CDH8: variants seen among roughly 807,000 people sequenced by gnomAD.
The protein encoded by CDH8 is cadherin-8.
A neutral mutation model predicts 68.1 loss-of-function variants in CDH8; 17 were observed. That is an observed-to-expected ratio of 0.25 (90% CI 0.17 to 0.37). CDH8 has a LOEUF of 0.37. Among genes scored for constraint, CDH8 ranks in the 10% least tolerant of loss-of-function variants. The pLI is 1.00. For synonymous variants in CDH8, 372 were observed against 365.1 expected, an observed-to-expected ratio of 1.02 and a Z score of -0.21; for missense variants, 763 against 999.3, an observed-to-expected ratio of 0.76 and a Z score of 3.19.
At chr16:61,958,000 G>A (rs904157591) in intron 2 of CDH8, among the ~76,000 whole-genome samples, 2 of 152,116 alleles carry the variant, frequency 1.3e-5, no homozygotes, top group Non-Finnish European at 2.9e-5. Flanking sequence ...GTTAACATAC[G>A]CTGCAATATA....
chr16:62,027,479 T>A (rs1902222086), intron 1 of CDH8, among the ~76,000 whole-genome samples: 1 of 152,234 alleles, frequency 6.6e-6, no homozygotes, highest in South Asian at 2.1e-4. Context: ...AGCAGATTAT[T>A]GTGGTTGACA....
chr16:61,755,285 A>T (rs1960282192), intron 8 of CDH8, among the ~76,000 whole-genome samples: 1 of 152,180 alleles, frequency 6.6e-6, no homozygotes, highest in African/African-American at 2.4e-5. Flanking sequence ...TATAATTAAC[A>T]TACGGAATAA....
intron 3 of CDH8, among the ~76,000 whole-genome samples, chr16:61,892,392 A>G (rs1221955293): frequency 6.6e-6 from 1 of 152,174 alleles, no homozygotes; most frequent in Non-Finnish European, 1.5e-5. Context: ...AGAGCATACA[A>G]TATGTCTAAA....
chr16:61,688,835 A>C (rs16963823), intron 10 of CDH8, among the ~76,000 whole-genome samples: 9,367 of 152,028 alleles, frequency 0.062, 1,005 homozygotes, highest in African/African-American at 0.21. Flanking sequence ...TGATCTTCAA[A>C]GCGATGTTTT....
Position 61,961,314 on chromosome 16 carries a change from C to CA in CDH8, c.252+59837dup, listed in dbSNP as rs796223369. Among the ~76,000 whole-genome samples, 1,185 of 142,230 alleles carry CA rather than the reference C, an allele frequency of 8.3e-3. 15 individuals are homozygous for CA. Among genetic ancestry groups the CA allele is most frequent in the African/African-American group, 0.027 (1,044 of 38,982 alleles). The allele number at this position is 142,230 out of a possible 152,430, so 93.3% of individuals were successfully genotyped here. A position where few individuals can be genotyped will look rare whatever the true frequency, so the allele number is the denominator to read the frequency against. Reference sequence around the variant, plus strand: ...TGGGCAACAGAGTGAGACATAGTCTCAAAAAAAAAAAGAACATGAATTGGA... The same window carrying CA: ...TGGGCAACAGAGTGAGACATAGTCTCAAAAAAAAAAAAGAACATGAATTGGA... On this transcript the variant is annotated intron_variant, in intron 2 of 11. Coordinates refer to ENST00000577390, the MANE Select transcript of CDH8 (RefSeq NM_001796.5).
intron 1 of CDH8, among the ~76,000 whole-genome samples, chr16:62,027,912 T>G (rs998963021): frequency 3.3e-5 from 5 of 152,108 alleles, no homozygotes; most frequent in African/African-American, 1.2e-4. Flanking sequence ...CACATACACG[T>G]GCACATATTA....
rs77082182 is a variant in CDH8, at chr16:61,900,869, A to T, written c.547+310T>A. Among the ~76,000 whole-genome samples the T allele has an allele frequency of 6.2e-4, 94 of 152,322 alleles. No homozygotes were observed. The East Asian group carries it at 0.017, about 27-fold the overall frequency. ...AGGATTAGCTTGGCATGTTAGAACA[A>T]ATCTTGATAAATCTGCCTCAGTAAC... On this transcript the variant is annotated intron_variant, in intron 3 of 11. Transcript: ENST00000577390.
intron 10 of CDH8, among the ~76,000 whole-genome samples, chr16:61,698,095 A>G (rs1266889000): frequency 6.6e-6 from 1 of 152,222 alleles, no homozygotes; most frequent in Non-Finnish European, 1.5e-5. Context: ...CATCTGAGAA[A>G]AAAGCTCTTT....
rs145548212 is a variant in CDH8 at position 61,647,565 on chromosome 16, G to T, written c.*6043C>A. On this transcript the variant is annotated 3_prime_UTR_variant, in exon 12 of 12. Transcript: ENST00000577390. ...CTTATTTGTGAGGGATCATAGGATG[G>T]CCTGAAGTTCTTTGCATGTACAGAA... is the stretch of plus-strand genomic sequence containing the variant. 1.0e-5 allele frequency: 5 copies of T among 493,212 alleles called. No individual in the cohort carries two copies. Among genetic ancestry groups the T allele is most frequent in the Non-Finnish European group, 1.8e-5 (5 of 278,030 alleles). 30.6% of individuals were successfully genotyped at this position (493,212 alleles called of 1,614,324 possible).
At chr16:61,900,682 G>A (rs1356689466) in intron 3 of CDH8, among the ~76,000 whole-genome samples, 1 of 152,134 alleles carries the variant, frequency 6.6e-6, no homozygotes, top group Non-Finnish European at 1.5e-5. Context: ...AAATACAGAG[G>A]CCCTTGGTAA....
intron 10 of CDH8, among the ~76,000 whole-genome samples, chr16:61,685,079 A>G (rs1175757057): frequency 2.0e-5 from 3 of 151,794 alleles, no homozygotes. Context: ...TGAACATTCA[A>G]CATGGTTTCT....
chr16:61,816,223 TAAAAAC>T (rs1567483403), intron 7 of CDH8, among the ~76,000 whole-genome samples: 3 of 152,182 alleles, frequency 2.0e-5, no homozygotes, highest in East Asian at 1.9e-4. Context: ...GATTTGTACT[TAAAAAC>T]AAAAAGTGCT....
At chr16:61,932,755 T>G (rs1014871186) in intron 2 of CDH8, among the ~76,000 whole-genome samples, 6 of 152,262 alleles carry the variant, frequency 3.9e-5, no homozygotes, top group African/African-American at 1.4e-4. Context: ...ACACAGTAAC[T>G]TTAAAATAAA....
At chr16:61,657,249 G>C (rs746822221) in intron 10 of CDH8, among the ~76,000 whole-genome samples, 5 of 151,920 alleles carry the variant, frequency 3.3e-5, no homozygotes, top group Non-Finnish European at 5.9e-5. Context: ...GAAAACTACT[G>C]TACCATATAG....
At chr16:61,934,206 CG>C in intron 2 of CDH8, 1 of 152,198 alleles carries the variant, frequency 6.6e-6, no homozygotes, top group East Asian at 1.9e-4. Flanking sequence ...TCCAGGCACA[CG>C]AGGCTGCTTG....
At chr16:61,788,422 T>C (rs532325047) in intron 8 of CDH8, among the ~76,000 whole-genome samples, 51 of 152,214 alleles carry the variant, frequency 3.4e-4, no homozygotes, top group African/African-American at 1.2e-3. Flanking sequence ...CAAATTCCCT[T>C]TACCTCAACT....
At chr16:61,788,024 C>G (rs866807787) in intron 8 of CDH8, among the ~76,000 whole-genome samples, 17 of 150,238 alleles carry the variant, frequency 1.1e-4, no homozygotes, top group African/African-American at 2.9e-4. Context: ...ACCAGCATGG[C>G]ACATGTATAC....
intron 2 of CDH8, among the ~76,000 whole-genome samples, chr16:61,975,057 A>C (rs1455021607): frequency 6.6e-6 from 1 of 152,132 alleles, no homozygotes; most frequent in Non-Finnish European, 1.5e-5. Flanking sequence ...GTATGACCTG[A>C]AAATAATAAA....
chr16:61,710,366 T>G (rs1223019179), intron 10 of CDH8, among the ~76,000 whole-genome samples: 4 of 152,090 alleles, frequency 2.6e-5, no homozygotes, highest in Admixed American at 2.6e-4. Context: ...TCTATACAGT[T>G]AACTATATTA....
Sources: gnomAD v4.1 joint callset for allele counts (sites outside exome capture counted in the v4.1 genomes callset) on GRCh38, gnomAD v4.1.1 for gene constraint, MANE v1.5 for transcripts, NCBI Gene and HGNC (gene_info 2026-07-23, HGNC 2026-07-21) for gene names.